Variants in COPA observed in about 807,000 individuals in gnomAD.
COPA encodes the protein coat protein complex I subunit alpha.
A neutral mutation model predicts 158.7 loss-of-function variants in COPA; 10 were observed. That is an observed-to-expected ratio of 0.06 (90% CI 0.04 to 0.11). COPA has a LOEUF of 0.11. Among genes scored for constraint, COPA ranks in the 10% least tolerant of loss-of-function variants. The pLI is 1.00. For synonymous variants in COPA, 462 were observed against 542.8 expected (o/e 0.85, Z 2.07); for missense variants, 1,065 against 1,536.7 (o/e 0.69, Z 5.13).
chr1:160,314,342 C>A (rs1450937701), intron 8 of COPA, among the ~76,000 whole-genome samples: 1 of 152,106 alleles, frequency 6.6e-6, no homozygotes, highest in East Asian at 1.9e-4. Context: ...AAAACCTCTT[C>A]TCTTGGCCAG....
intron 19 of COPA, among the ~76,000 whole-genome samples, chr1:160,298,169 G>A (rs962561721): frequency 2.7e-5 from 4 of 150,256 alleles, no homozygotes; most frequent in African/African-American, 9.8e-5. Context: ...CAACAAGAGC[G>A]AGACTCCGCC....
intron 17 of COPA, among the ~76,000 whole-genome samples, chr1:160,300,535 C>T (rs1658568591): frequency 6.6e-6 from 1 of 152,058 alleles, no homozygotes; most frequent in African/African-American, 2.4e-5. Context: ...GTCCATATGA[C>T]TTCAAGGGCA....
At chr1:160,321,089 TAAA>T (rs1458452461) in intron 8 of COPA, among the ~76,000 whole-genome samples, 3 of 151,988 alleles carry the variant, frequency 2.0e-5, no homozygotes, top group Non-Finnish European at 4.4e-5. Context: ...AAATCAAAAA[TAAA>T]AACCATATGA....
rs1658344968 is a variant in COPA at position 160,294,759 on chromosome 1, C to T, written c.2566+9G>A. The T allele has an allele frequency of 1.9e-6, 3 of 1,613,830 alleles. No homozygotes were observed. The South Asian group carries it at 3.3e-5, about 18-fold the overall frequency. ...TCACCCCAGAACAGTCTTAAAACAG[C>T]ACTTTTACCTTCATCCAACTGCAGC... On this transcript the variant is annotated intron_variant, in intron 24 of 32. Coordinates refer to ENST00000241704, the MANE Select transcript of COPA (RefSeq NM_004371.4).
chr1:160,312,565 G>A (rs1659002178), intron 10 of COPA, among the ~76,000 whole-genome samples: 1 of 152,134 alleles, frequency 6.6e-6, no homozygotes. Context: ...ACCAGATCAT[G>A]TCACTTTCCT....
intron 8 of COPA, among the ~76,000 whole-genome samples, chr1:160,318,276 A>C (rs1659211199): frequency 6.6e-6 from 1 of 152,134 alleles, no homozygotes; most frequent in South Asian, 2.1e-4. Context: ...AGGCATTTTA[A>C]GATTTTTTAA....
At chr1:160,308,990 A>C in intron 13 of COPA, 111 bp downstream of exon 13, 1 of 809,700 alleles carries the variant, frequency 1.2e-6, no homozygotes, top group Non-Finnish European at 2.1e-6. Flanking sequence ...GCCAACAGAC[A>C]TGAGTGATGT....
Position 160,306,897 on chromosome 1 carries a change from G to A in COPA, c.1302+266C>T, listed in dbSNP as rs558666122. Among the ~76,000 whole-genome samples, 84 of 152,304 alleles carry A rather than the reference G, an allele frequency of 5.5e-4. 1 individual carries two copies. In the South Asian group the frequency reaches 0.017, roughly 30 times the overall value. On this transcript the variant is annotated intron_variant, in intron 14 of 32. Transcript: ENST00000241704. ...CATCCAGCCCACTCACTTCAGATTT[G>A]ATGCGTTTTGGGCTCCTGTAGTCAA...
At position 160,332,437 on chromosome 1, in the gene COPA, G is replaced by A. The variant is rs1647570759; in HGVS notation, c.496+11C>T. The stretch of plus-strand genomic sequence containing the variant: ...GATGACCAGGTTGTCCTCTGAACTT[G>A]GGCAGCTCACCAGAAATATCCCAAA... On this transcript the variant is annotated intron_variant, in intron 6 of 32. Transcript: ENST00000241704. 1 of 1,593,504 alleles carries A rather than the reference G, an allele frequency of 6.3e-7. No individual in the cohort carries two copies. The highest frequency in any genetic ancestry group is 1.1e-5 in the South Asian group (1 of 88,118).
At position 160,289,198 on chromosome 1, in the gene COPA, GAAGATATGT is replaced by G. The variant is rs923704356; in HGVS notation, c.*950_*958del. The G allele has an allele frequency of 2.1e-4, 32 of 151,890 alleles. No homozygotes were observed. Among genetic ancestry groups the G allele is most frequent in the African/African-American group, 7.5e-4 (31 of 41,314 alleles). The allele number at this position is 151,890 out of a possible 1,614,324, so 9.4% of individuals were successfully genotyped here. A position where few individuals can be genotyped will look rare whatever the true frequency, so the allele number is the denominator to read the frequency against. On this transcript the variant is annotated 3_prime_UTR_variant, in exon 33 of 33. Coordinates refer to ENST00000241704, the MANE Select transcript of COPA (RefSeq NM_004371.4). ...TGTAATTAAAAATTATTACTGGAAGGAAGATATGTACTTTGGTGGGGTGCCTGCATGGGT... is the reference window on the plus strand; with the variant it reads ...TGTAATTAAAAATTATTACTGGAAGGACTTTGGTGGGGTGCCTGCATGGGT...
intron 15 of COPA, 44 bp from the exon 16 acceptor site, chr1:160,305,817 C>T (rs749667016): frequency 3.3e-6 from 5 of 1,519,344 alleles, no homozygotes; most frequent in Non-Finnish European, 4.6e-6. Flanking sequence ...ATCTATTTCC[C>T]TTGTCTCAGG....
At chr1:160,322,989 G>GCACACACA (rs112126446) in intron 8 of COPA, among the ~76,000 whole-genome samples, 4,334 of 145,354 alleles carry the variant, frequency 0.03, 198 homozygotes, top group African/African-American at 0.1. Context: ...ACGCGCACGT[G>GCACACACA]CACACACACA....
At chr1:160,297,215 C>T in intron 21 of COPA, 128 bp downstream of exon 21, 1 of 793,742 alleles carries the variant, frequency 1.3e-6, no homozygotes, top group South Asian at 1.6e-5. Context: ...ACAGTAGGAG[C>T]ATGTTGTCTC....
At chr1:160,327,997 T>C (rs1189836013) in intron 6 of COPA, among the ~76,000 whole-genome samples, 1 of 152,248 alleles carries the variant, frequency 6.6e-6, no homozygotes, top group Non-Finnish European at 1.5e-5. Flanking sequence ...TGGTGGCACC[T>C]ACATGTTAAC....
Position 160,314,105 on chromosome 1 carries a change from C to T in COPA, c.727G>A (p.Asp243Asn). The stretch of plus-strand genomic sequence containing the variant: ...TTGTTGTAATGGCCCCGGCAGGTAT[C>T]AACCTCCCATGCCTTTGATTCTGAA... ...RMNESKAWEV[D>N]TCRGHYNNVS... The change falls in exon 9 of 33, where the codon GAT (aspartate) becomes AAT (asparagine). Residue 243 changes from aspartate (D) to asparagine (N), a missense_variant. This residue lies in a region of COPA where 980 missense variants were observed against 1,357.8 expected (regional missense o/e 0.72). Coordinates refer to ENST00000241704, the MANE Select transcript of COPA (RefSeq NM_004371.4). 6.2e-7 allele frequency: 1 copy of T among 1,613,558 alleles called. No homozygotes were observed. Among genetic ancestry groups the T allele is most frequent in the Non-Finnish European group, 8.5e-7 (1 of 1,179,800 alleles).
chr1:160,334,701 G>T (rs1355353948), intron 4 of COPA, among the ~76,000 whole-genome samples: 1 of 152,166 alleles, frequency 6.6e-6, no homozygotes, highest in African/African-American at 2.4e-5. Context: ...GGTGCAACTG[G>T]ATTCAGAGGT....
intron 6 of COPA, among the ~76,000 whole-genome samples, chr1:160,330,257 A>G (rs1041894299): frequency 1.3e-5 from 2 of 152,156 alleles, no homozygotes; most frequent in East Asian, 3.9e-4. Flanking sequence ...AAGCCATAGC[A>G]AGGTTACTGG....
intron 11 of COPA, 137 bp from the exon 12 acceptor site, chr1:160,310,395 G>A (rs1404156146): frequency 2.5e-5 from 12 of 472,948 alleles, no homozygotes; most frequent in Non-Finnish European, 1.1e-5. Flanking sequence ...GGAATAAAAT[G>A]AATAAATATT....
At chr1:160,312,915 A>G (rs527587737) in intron 10 of COPA, among the ~76,000 whole-genome samples, 170 bp downstream of exon 10, 2 of 152,256 alleles carry the variant, frequency 1.3e-5, no homozygotes, top group South Asian at 2.1e-4. Flanking sequence ...CATTTTACGT[A>G]CATATAAAGT....
Sources: gnomAD v4.1 joint callset for allele counts (sites outside exome capture counted in the v4.1 genomes callset) on GRCh38, gnomAD v4.1.1 for gene constraint, gnomAD v4.1.1 regional missense constraint, MANE v1.5 for transcripts, NCBI Gene and HGNC (gene_info 2026-07-23, HGNC 2026-07-21) for gene names.